FBXO11: variants seen among roughly 807,000 people sequenced by gnomAD.
The protein encoded by FBXO11 is F-box only protein 11.
A neutral mutation model predicts 117.0 loss-of-function variants in FBXO11; 13 were observed. The observed-to-expected ratio is 0.11, with a 90% CI of 0.07 to 0.18. FBXO11 has a LOEUF of 0.18. FBXO11 is among the 10% of genes least tolerant of loss of function. The pLI is 1.00. For missense variants in FBXO11, 767 were observed against 1,164.4 expected, an observed-to-expected ratio of 0.66 and a Z score of 4.97; for synonymous variants, 490 against 380.5, an observed-to-expected ratio of 1.29 and a Z score of -3.35.
intron 1 of FBXO11, among the ~76,000 whole-genome samples, chr2:47,903,745 G>C (rs999797848): frequency 6.6e-6 from 1 of 152,098 alleles, no homozygotes; most frequent in Non-Finnish European, 1.5e-5. Flanking sequence ...AATATTAAAG[G>C]CTAGAATTTC....
chr2:47,820,494 A>G, intron 13 of FBXO11, 38 bp from the exon 14 acceptor site: 1 of 1,489,374 alleles, frequency 6.7e-7, no homozygotes, highest in Non-Finnish European at 9.3e-7. Context: ...AACATTTGTG[A>G]GCCTAGAGAA....
intron 1 of FBXO11, among the ~76,000 whole-genome samples, chr2:47,869,732 G>C (rs890980224): frequency 6.6e-6 from 1 of 152,232 alleles, no homozygotes; most frequent in Non-Finnish European, 1.5e-5. Flanking sequence ...ATTTCAAGAA[G>C]AGCAAACCCC....
intron 1 of FBXO11, among the ~76,000 whole-genome samples, chr2:47,895,527 G>C (rs905656160): frequency 1.3e-5 from 2 of 152,166 alleles, no homozygotes; most frequent in African/African-American, 4.8e-5. Context: ...GGACACTTCT[G>C]GGATACTAGT....
chr2:47,829,697 G>A (rs571731957), intron 11 of FBXO11, among the ~76,000 whole-genome samples: 1 of 152,004 alleles, frequency 6.6e-6, no homozygotes, highest in Non-Finnish European at 1.5e-5. Context: ...TTAGCACTGT[G>A]GTTATGTGAA....
chr2:47,838,988 T>G lies in FBXO11; in HGVS notation c.458A>C (p.Gln153Pro). ...SQDLSAAPAEQYLQEKLPDEV... is the reference protein window; with the variant it reads ...SQDLSAAPAEPYLQEKLPDEV... ...ATCTGGCAGTTTCTCCTGAAGATAC[T>G]GTTCAGCAGGTGCTGCTATAAAGAG... The change falls in exon 4 of 23, where the codon CAG (glutamine) becomes CCG (proline). Residue 153 changes from glutamine to proline, a missense_variant. Around this residue, in one of 10 missense-constraint regions of FBXO11, gnomAD observed 355 missense variants for 299.8 expected, o/e 1.18. Coordinates refer to ENST00000403359, the MANE Select transcript of FBXO11 (RefSeq NM_001190274.2). 6.2e-7 allele frequency: 1 copy of G among 1,613,808 alleles called. No individual in the cohort carries two copies.
rs1040887980 is a variant in FBXO11 at position 47,900,360 on chromosome 2, C to G, written c.232+5129G>C. On this transcript the variant is annotated intron_variant, in intron 1 of 22. Transcript: ENST00000403359. ...ACTTACTTCCTAAAACAGGAAAAATCATGTTTCTTGTGCAGAACTCCTCTA... is the reference window on the plus strand; with the variant it reads ...ACTTACTTCCTAAAACAGGAAAAATGATGTTTCTTGTGCAGAACTCCTCTA... Among the ~76,000 whole-genome samples the G allele has an allele frequency of 2.0e-5, 3 of 151,986 alleles. No homozygotes were observed. The East Asian group carries it at 5.8e-4, about 29-fold the overall frequency.
intron 1 of FBXO11, chr2:47,888,589 A>G (rs1440969918): frequency 2.7e-6 from 2 of 731,878 alleles, no homozygotes; most frequent in African/African-American, 3.8e-5. Flanking sequence ...TTTTTCTTTT[A>G]AAAATTACTT....
intron 1 of FBXO11, among the ~76,000 whole-genome samples, chr2:47,842,062 C>T (rs1477968999): frequency 2.0e-5 from 3 of 151,596 alleles, no homozygotes; most frequent in African/African-American, 4.8e-5. Flanking sequence ...GTTGCCCAGG[C>T]TGGAGTGCAG....
At chr2:47,813,424 A>ATT in intron 17 of FBXO11, 47 bp from the exon 18 acceptor site, 2 of 579,358 alleles carry the variant, frequency 3.5e-6, no homozygotes, top group Non-Finnish European at 2.3e-6. Context: ...ATTTCTTTTT[A>ATT]ATTTTTTTTT....
intron 1 of FBXO11, among the ~76,000 whole-genome samples, chr2:47,899,089 A>G (rs1027581190): frequency 3.9e-5 from 6 of 152,056 alleles, no homozygotes; most frequent in Non-Finnish European, 7.4e-5. Flanking sequence ...CCTGGCTAAC[A>G]TGGTGAAACC....
intron 1 of FBXO11, among the ~76,000 whole-genome samples, chr2:47,840,684 G>A (rs911307485): frequency 6.6e-6 from 1 of 151,422 alleles, no homozygotes; most frequent in Non-Finnish European, 1.5e-5. Context: ...AGACTCCTGG[G>A]TTCTAGCAAT....
intron 1 of FBXO11, among the ~76,000 whole-genome samples, chr2:47,846,120 C>G (rs547721098): frequency 6.6e-6 from 1 of 152,134 alleles, no homozygotes. Flanking sequence ...CCAAGAAACA[C>G]GAAATCATGG....
intron 11 of FBXO11, among the ~76,000 whole-genome samples, chr2:47,830,572 G>A (rs1052474596): frequency 6.6e-6 from 1 of 152,056 alleles, no homozygotes; most frequent in African/African-American, 2.4e-5. Flanking sequence ...ATGATGGGGT[G>A]GAGATAGATT....
chr2:47,833,568 G>A (rs748155985), intron 7 of FBXO11, among the ~76,000 whole-genome samples: 6 of 152,054 alleles, frequency 3.9e-5, no homozygotes, highest in Non-Finnish European at 8.8e-5. Flanking sequence ...ATAATTACTA[G>A]CTATCTTAAA....
chr2:47,850,761 T>TA (rs1484046938), intron 1 of FBXO11, among the ~76,000 whole-genome samples: 1 of 152,218 alleles, frequency 6.6e-6, no homozygotes, highest in Non-Finnish European at 1.5e-5. Flanking sequence ...GAGAATAGCT[T>TA]AAATTTTAAT....
intron 1 of FBXO11, among the ~76,000 whole-genome samples, chr2:47,872,668 A>T (rs1675709506): frequency 6.6e-6 from 1 of 152,076 alleles, no homozygotes; most frequent in African/African-American, 2.4e-5. Flanking sequence ...ATTTTTTTGC[A>T]CACTTTATTA....
chr2:47,818,899 G>A (rs767019997), intron 15 of FBXO11, 35 bp from the exon 16 acceptor site: 1 of 1,567,982 alleles, frequency 6.4e-7, no homozygotes, highest in East Asian at 2.2e-5. Flanking sequence ...GCTTTTTCAA[G>A]GGACAAGTAT....
chr2:47,900,557 C>CGTGT, intron 1 of FBXO11, among the ~76,000 whole-genome samples: 1 of 121,056 alleles, frequency 8.3e-6, no homozygotes, highest in Non-Finnish European at 1.9e-5. Flanking sequence ...AGTATATACA[C>CGTGT]GTATATATAC....
chr2:47,892,869 G>A (rs1319276570), intron 1 of FBXO11, among the ~76,000 whole-genome samples: 1 of 151,574 alleles, frequency 6.6e-6, no homozygotes, highest in South Asian at 2.1e-4. Context: ...TTTTTTTTAA[G>A]TCATTTACAT....
Sources: allele counts gnomAD v4.1 joint callset (sites outside exome capture counted in the v4.1 genomes callset), GRCh38; gene constraint gnomAD v4.1.1; regional missense constraint gnomAD v4.1.1; transcripts MANE v1.5; gene names NCBI Gene and HGNC (gene_info 2026-07-23, HGNC 2026-07-21).